Variants in CAPS2 observed in about 807,000 individuals in gnomAD.
CAPS2 encodes the protein calcyphosine 2, also known as calcyphosin-2.
In CAPS2, 98 loss-of-function variants were observed where a neutral mutation model predicts 86.5. The observed-to-expected ratio is 1.13, with a 90% confidence interval of 0.96 to 1.34. The LOEUF is 1.34. Among genes scored for constraint, CAPS2 ranks in the 40% most tolerant of loss-of-function variants. The pLI, the probability that CAPS2 is intolerant of heterozygous loss-of-function variation, is 0.00. For missense variants in CAPS2, 729 were observed against 686.8 expected (o/e 1.06, Z -0.69); for synonymous variants, 210 against 225.1 (o/e 0.93, Z 0.60).
intron 7 of CAPS2, chr12:75,305,560 G>A: frequency 3.2e-6 from 2 of 627,740 alleles, no homozygotes; most frequent in Non-Finnish European, 6.1e-6. Context: ...CGCGACCCTG[G>A]CAGAGCCGCA....
At chr12:75,358,119 TA>T (rs1477548437) in intron 1 of CAPS2, among the ~76,000 whole-genome samples, 4 of 151,414 alleles carry the variant, frequency 2.6e-5, no homozygotes, top group Non-Finnish European at 5.9e-5. Flanking sequence ...CAAAAAAAGA[TA>T]AAAATAATAT....
chr12:75,321,593 A>G lies in CAPS2; in HGVS notation c.292-17T>C. ...GTTCTGATCCTATAGGTAAAAAGAA[A>G]AAAGCATGCTATCAGAAAAAAAAAG... On this transcript the variant is annotated splice_polypyrimidine_tract_variant and intron_variant, in intron 4 of 16. Coordinates refer to ENST00000393284, the Ensembl canonical transcript of CAPS2. The G allele has an allele frequency of 6.6e-7, 1 of 1,519,212 alleles. No individual in the cohort carries two copies. The highest frequency in any genetic ancestry group is 1.2e-5 in the South Asian group (1 of 81,400). The allele number at this position is 1,519,212 out of a possible 1,614,324, so 94.1% of individuals were successfully genotyped here. A position where few individuals can be genotyped will look rare whatever the true frequency, so the allele number is the denominator to read the frequency against.
At chr12:75,380,199 T>C (rs1451612637) in intron 1 of CAPS2, among the ~76,000 whole-genome samples, 1 of 152,218 alleles carries the variant, frequency 6.6e-6, no homozygotes, top group Admixed American at 6.5e-5. Flanking sequence ...TGCATTTGTA[T>C]CTTGACAACT....
Position 75,350,104 on chromosome 12 carries a change from G to T in CAPS2, c.-394-26882C>A, listed in dbSNP as rs544385803. ...ACCAGGAGAAATTCCCCACAGCACA[G>T]CACAGCCACTGTGACAGTTTGTGGC... On this transcript the variant is annotated intron_variant, in intron 1 of 5. Transcript: ENST00000551829. Among the ~76,000 whole-genome samples, 24 of 152,342 alleles carry T rather than the reference G, an allele frequency of 1.6e-4. No homozygotes were observed. The South Asian group carries it at 5.0e-3, about 32-fold the overall frequency.
exon 3 of CAPS2, chr12:75,323,222 C>G: frequency 6.5e-7 from 1 of 1,542,554 alleles, no homozygotes; most frequent in South Asian, 1.2e-5. Flanking sequence ...GTCGTGGGAC[C>G]CTGAAAGACA....
At chr12:75,368,271 T>C (rs2044122475) in intron 1 of CAPS2, among the ~76,000 whole-genome samples, 1 of 151,686 alleles carries the variant, frequency 6.6e-6, no homozygotes, top group Non-Finnish European at 1.5e-5. Flanking sequence ...TTTTTGCATT[T>C]ATTTTTAGAA....
intron 1 of CAPS2, among the ~76,000 whole-genome samples, chr12:75,386,974 A>G (rs1212169835): frequency 1.3e-5 from 2 of 152,218 alleles, no homozygotes; most frequent in African/African-American, 2.4e-5. Flanking sequence ...GTTATATAAG[A>G]GAAAATCTAG....
intron 1 of CAPS2, chr12:75,359,971 G>A (rs745658210): frequency 1.8e-4 from 27 of 152,110 alleles, no homozygotes; most frequent in Admixed American, 3.3e-4. Context: ...TAAGGCAAAG[G>A]GGAAACAAGC....
chr12:75,340,858 C>T (rs1405301014), intron 1 of CAPS2, among the ~76,000 whole-genome samples: 1 of 151,266 alleles, frequency 6.6e-6, no homozygotes, highest in Non-Finnish European at 1.5e-5. Context: ...TAGTGAAATG[C>T]AAATTAAAAC....
At chr12:75,363,386 CT>C (rs1183508193) in intron 1 of CAPS2, among the ~76,000 whole-genome samples, 1 of 152,110 alleles carries the variant, frequency 6.6e-6, no homozygotes, top group Non-Finnish European at 1.5e-5. Context: ...ATTACTCCCC[CT>C]CTGAAGCTAA....
intron 1 of CAPS2, among the ~76,000 whole-genome samples, chr12:75,382,965 A>G (rs550336003): frequency 1.3e-5 from 2 of 152,342 alleles, no homozygotes; most frequent in Admixed American, 1.3e-4. Flanking sequence ...CGAATGTGAT[A>G]AATTATTTCC....
At chr12:75,282,433 C>A (rs2034127706) in intron 15 of CAPS2, 86 bp from the exon 16 acceptor site, 2 of 858,994 alleles carry the variant, frequency 2.3e-6, no homozygotes, top group Non-Finnish European at 4.0e-6. Flanking sequence ...GTCACCCAGA[C>A]TGGAGTGCAA....
intron 1 of CAPS2, among the ~76,000 whole-genome samples, chr12:75,377,848 T>G (rs2044735348): frequency 2.4e-5 from 1 of 42,032 alleles, no homozygotes; most frequent in African/African-American, 7.9e-5. Flanking sequence ...CAGATATATA[T>G]ATATATATAT....
At chr12:75,390,154 C>T (rs749020481) in intron 1 of CAPS2, among the ~76,000 whole-genome samples, 1 of 152,118 alleles carries the variant, frequency 6.6e-6, no homozygotes, top group African/African-American at 2.4e-5. Context: ...AAAACTAATA[C>T]TTGCTTTTTT....
intron 1 of CAPS2, chr12:75,360,588 A>T (rs2043509936): frequency 6.6e-6 from 1 of 152,112 alleles, no homozygotes; most frequent in South Asian, 2.1e-4. Flanking sequence ...TGCTGATGGG[A>T]GAGGTGGGTT....
At chr12:75,353,515 C>G (rs1352245217) in intron 1 of CAPS2, among the ~76,000 whole-genome samples, 1 of 152,082 alleles carries the variant, frequency 6.6e-6, no homozygotes. Context: ...AGCCTATCAA[C>G]CAAAAACAGC....
intron 1 of CAPS2, among the ~76,000 whole-genome samples, chr12:75,344,496 T>C (rs1287484992): frequency 2.0e-5 from 3 of 152,130 alleles, no homozygotes; most frequent in Non-Finnish European, 4.4e-5. Context: ...TCAATGAATA[T>C]ACCTAATATG....
intron 1 of CAPS2, among the ~76,000 whole-genome samples, chr12:75,382,115 G>T (rs2139818509): frequency 6.6e-6 from 1 of 151,800 alleles, no homozygotes; most frequent in South Asian, 2.1e-4. Flanking sequence ...TCTTAAATTT[G>T]AATTATAGAA....
At chr12:75,353,938 C>G (rs1174962680) in intron 1 of CAPS2, among the ~76,000 whole-genome samples, 1 of 152,132 alleles carries the variant, frequency 6.6e-6, no homozygotes, top group Non-Finnish European at 1.5e-5. Flanking sequence ...TAAAATTCAT[C>G]ATTCCTTTAT....
Sources: gnomAD v4.1 joint callset for allele counts (sites outside exome capture counted in the v4.1 genomes callset) on GRCh38, gnomAD v4.1.1 for gene constraint, MANE v1.5 for transcripts, NCBI Gene and HGNC (gene_info 2026-07-23, HGNC 2026-07-21) for gene names.